NAPEPLD: variants seen among roughly 807,000 people sequenced by gnomAD.
NAPEPLD encodes the protein N-acyl phosphatidylethanolamine phospholipase D.
In NAPEPLD, 23 loss-of-function variants were observed where a neutral mutation model predicts 38.1. The observed-to-expected ratio is 0.60, with a 90% CI of 0.43 to 0.86. The LOEUF (loss-of-function observed/expected upper bound fraction) is 0.86, where lower values mean the gene tolerates loss of function less well. Among genes scored for constraint, NAPEPLD ranks in the 40% least tolerant of loss-of-function variants. The probability of loss-of-function intolerance (pLI) is 0.00; values close to 1 mark genes in which losing one functional copy is unlikely to be tolerated. For missense variants in NAPEPLD, 411 were observed against 476.8 expected (o/e 0.86, Z 1.28); for synonymous variants, 147 against 162.0 (o/e 0.91, Z 0.71).
Position 103,119,816 on chromosome 7 carries a change from C to T in NAPEPLD, c.702G>A (p.Glu234=). The T allele has an allele frequency of 1.9e-6, 3 of 1,614,160 alleles. No homozygotes were observed. Among genetic ancestry groups the T allele is most frequent in the South Asian group, 1.1e-5 (1 of 91,082 alleles). The change falls in exon 3 of 5, where the codon GAG becomes GAA. Residue 234 remains glutamate, a synonymous_variant. Coordinates refer to ENST00000465647, the MANE Select transcript of NAPEPLD (RefSeq NM_001122838.3). The part of the protein sequence containing the change: ...CENVIELDWW[E]ENCVPGHDKV... ...TATCATGTCCGGGGACACAATTCTCCTCCCACCAGTCCAACTCAATCACAT... is the reference window on the plus strand; with the variant it reads ...TATCATGTCCGGGGACACAATTCTCTTCCCACCAGTCCAACTCAATCACAT...
At chr7:103,140,461 C>T (rs1264593784) in intron 1 of NAPEPLD, among the ~76,000 whole-genome samples, 6 of 133,530 alleles carry the variant, frequency 4.5e-5, no homozygotes, top group African/African-American at 1.4e-4. Context: ...GGCGTGATCT[C>T]GGCTCACTGC....
upstream of NAPEPLD, chr7:103,149,503 G>C (rs1813300330): frequency 1.6e-6 from 2 of 1,263,326 alleles, no homozygotes; most frequent in Non-Finnish European, 2.0e-6. Flanking sequence ...GTCGTCGCCG[G>C]GTCACTCCCT....
In NAPEPLD at chr7:103,119,908, C is replaced by T; in HGVS notation, c.610G>A (p.Gly204Ser). 2 of 1,614,198 alleles carry T rather than the reference C, an allele frequency of 1.2e-6. No individual in the cohort carries two copies. The change falls in exon 3 of 5, where the codon GGT becomes AGT. Residue 204 changes from glycine (G) to serine (S), a missense_variant. Transcript: ENST00000465647. ...GGCACAAACCATCTCAACTCATTAC[C>T]AAATCGCTCATTCAAAGCAATGACA... ...NSVIALNERF[G>S]NELRWFVPLG...
Position 103,108,191 on chromosome 7 carries a change from G to T in NAPEPLD, c.1057-4637C>A, listed in dbSNP as rs1470789681. Among the ~76,000 whole-genome samples, 22 of 145,520 alleles carry T rather than the reference G, an allele frequency of 1.5e-4. 1 individual carries two copies. The highest frequency in any genetic ancestry group is 1.5e-5 in the Non-Finnish European group (1 of 67,538). On this transcript the variant is annotated intron_variant, in intron 4 of 4. Coordinates refer to ENST00000465647, the MANE Select transcript of NAPEPLD (RefSeq NM_001122838.3). ...GGAGTCTTGCTCTGTCACCCAGGTT[G>T]GAGTGCAGTGGTGCAGTCTCAGCTC... is the stretch of plus-strand genomic sequence containing the variant.
intron 2 of NAPEPLD, among the ~76,000 whole-genome samples, chr7:103,123,164 A>G (rs1016639786): frequency 3.3e-5 from 5 of 152,204 alleles, no homozygotes; most frequent in Admixed American, 6.5e-5. Context: ...TGAGTCCCAC[A>G]GCTAGAAGCA....
intron 4 of NAPEPLD, among the ~76,000 whole-genome samples, chr7:103,108,930 G>A (rs1007231805): frequency 6.6e-6 from 1 of 152,100 alleles, no homozygotes; most frequent in Admixed American, 6.5e-5. Flanking sequence ...AAAAAAGCAG[G>A]GGTTGTAATC....
intron 1 of NAPEPLD, among the ~76,000 whole-genome samples, chr7:103,143,715 T>C (rs527422853): frequency 3.4e-4 from 52 of 152,346 alleles, no homozygotes; most frequent in African/African-American, 1.2e-3. Flanking sequence ...TTTGGACTTC[T>C]TTCATGTGTA....
At chr7:103,121,362 T>C (rs1335564043) in intron 2 of NAPEPLD, among the ~76,000 whole-genome samples, 3 of 152,210 alleles carry the variant, frequency 2.0e-5, no homozygotes, top group Non-Finnish European at 4.4e-5. Context: ...TACCATGCTA[T>C]ATAGCTGCAT....
At chr7:103,129,617 TGGAAA>T (rs1203236824) in intron 1 of NAPEPLD, among the ~76,000 whole-genome samples, 1 of 152,134 alleles carries the variant, frequency 6.6e-6, no homozygotes, top group Non-Finnish European at 1.5e-5. Flanking sequence ...TCCAAATCCC[TGGAAA>T]GGAGATAACA....
chr7:103,102,739 T>TG lies in NAPEPLD; in HGVS notation c.*689dup, dbSNP rs1802586578. 6.6e-6 allele frequency: 1 copy of TG among 152,538 alleles called. No individual in the cohort carries two copies. The highest frequency in any genetic ancestry group is 2.1e-4 in the South Asian group (1 of 4,828). The allele number at this position is 152,538 out of a possible 1,614,324, so 9.4% of individuals were successfully genotyped here. ...TGAATGGTGGTCATGGGTGCATTAA[T>TG]GCGAAAGAACTGTACACTTAAAAAT... On this transcript the variant is annotated 3_prime_UTR_variant, in exon 5 of 5. Transcript: ENST00000465647.
At chr7:103,120,904 G>A (rs1315250839) in intron 2 of NAPEPLD, among the ~76,000 whole-genome samples, 1 of 151,508 alleles carries the variant, frequency 6.6e-6, no homozygotes, top group Admixed American at 6.6e-5. Flanking sequence ...TAGAGACAGG[G>A]TCTCATTATG....
At chr7:103,138,662 G>T (rs904458229) in intron 1 of NAPEPLD, among the ~76,000 whole-genome samples, 3 of 151,854 alleles carry the variant, frequency 2.0e-5, no homozygotes, top group Non-Finnish European at 4.4e-5. Context: ...TAGAGACAGG[G>T]TTTCATCATG....
At chr7:103,147,314 A>G (rs1812764343) in intron 1 of NAPEPLD, among the ~76,000 whole-genome samples, 1 of 152,232 alleles carries the variant, frequency 6.6e-6, no homozygotes, top group African/African-American at 2.4e-5. Flanking sequence ...AATTATACAT[A>G]CAGTTCATTT....
intron 1 of NAPEPLD, among the ~76,000 whole-genome samples, chr7:103,137,886 T>C (rs977364062): frequency 6.1e-5 from 9 of 147,072 alleles, no homozygotes; most frequent in South Asian, 2.1e-4. Context: ...CAAAAAAAGG[T>C]TGGGGGAGGA....
chr7:103,108,288 G>A (rs749514151), intron 4 of NAPEPLD, among the ~76,000 whole-genome samples: 5 of 152,038 alleles, frequency 3.3e-5, no homozygotes, highest in African/African-American at 9.7e-5. Flanking sequence ...GATCACAGGC[G>A]TGCGCCACAA....
At chr7:103,104,407 G>A (rs958820500) in intron 4 of NAPEPLD, among the ~76,000 whole-genome samples, 2 of 152,160 alleles carry the variant, frequency 1.3e-5, no homozygotes, top group African/African-American at 2.4e-5. Context: ...TCTACGGCAC[G>A]CACTGTTCAG....
At chr7:103,133,011 A>G (rs1371496953) in intron 1 of NAPEPLD, among the ~76,000 whole-genome samples, 3 of 152,286 alleles carry the variant, frequency 2.0e-5, no homozygotes, top group Admixed American at 1.3e-4. Flanking sequence ...AACACACACA[A>G]AGTCCAGTTT....
rs1802440690 is a variant in NAPEPLD, at chr7:103,101,792, T to C, written c.*1637A>G. ...TAACGTGGCACCACACATACAGGTGTGCAAATAAATTATAGAGCACTGCCT... is the reference window on the plus strand; with the variant it reads ...TAACGTGGCACCACACATACAGGTGCGCAAATAAATTATAGAGCACTGCCT... On this transcript the variant is annotated 3_prime_UTR_variant, in exon 5 of 5. Transcript: ENST00000465647. 2 of 152,400 alleles carry C rather than the reference T, an allele frequency of 1.3e-5. No individual in the cohort carries two copies. The highest frequency in any genetic ancestry group is 1.3e-4 in the Admixed American group (2 of 15,268). The allele number at this position is 152,400 out of a possible 1,614,324, so 9.4% of individuals were successfully genotyped here. A position where few individuals can be genotyped will look rare whatever the true frequency, so the allele number is the denominator to read the frequency against.
chr7:103,101,576 G>A lies in NAPEPLD; in HGVS notation c.*1853C>T, dbSNP rs1005359080. 6 of 152,538 alleles carry A rather than the reference G, an allele frequency of 3.9e-5. No homozygotes were observed. The highest frequency in any genetic ancestry group is 1.4e-4 in the African/African-American group (6 of 41,408). 9.4% of individuals were successfully genotyped at this position (152,538 alleles called of 1,614,324 possible). Reference sequence around the variant, plus strand: ...TCTATATTAGGCAGTGATATCTTAAGAAATCATTTTCTCCCTTATATTTTC... The same window carrying A: ...TCTATATTAGGCAGTGATATCTTAAAAAATCATTTTCTCCCTTATATTTTC... On this transcript the variant is annotated 3_prime_UTR_variant, in exon 5 of 5. Transcript: ENST00000465647.
Sources: allele counts gnomAD v4.1 joint callset (sites outside exome capture counted in the v4.1 genomes callset), GRCh38; gene constraint gnomAD v4.1.1; transcripts MANE v1.5; gene names NCBI Gene and HGNC (gene_info 2026-07-23, HGNC 2026-07-21).